CNTN5: variants seen among roughly 807,000 people sequenced by gnomAD.
CNTN5 encodes the protein contactin-5.
CNTN5 carries 77 observed loss-of-function variants against 129.1 expected under a neutral mutation model. That is an observed-to-expected ratio of 0.60 (90% CI 0.50 to 0.72). The LOEUF is 0.72. Ranked by LOEUF, CNTN5 falls within the 30% of genes least tolerant of loss-of-function variation. The probability of loss-of-function intolerance (pLI) is 0.00; values close to 1 mark genes in which losing one functional copy is unlikely to be tolerated. For synonymous variants in CNTN5, 509 were observed against 465.6 expected (o/e 1.09, Z -1.20); for missense variants, 1,478 against 1,328.8 (o/e 1.11, Z -1.75).
chr11:99,772,988 T>C (rs2135345291), intron 3 of CNTN5, among the ~76,000 whole-genome samples: 1 of 152,162 alleles, frequency 6.6e-6, no homozygotes, highest in Middle Eastern at 3.4e-3. Flanking sequence ...AGGTATAATA[T>C]ACACATAATG....
At chr11:99,533,076 A>G (rs1334382830) in intron 2 of CNTN5, among the ~76,000 whole-genome samples, 1 of 152,196 alleles carries the variant, frequency 6.6e-6, no homozygotes, top group South Asian at 2.1e-4. Flanking sequence ...TACAAAAATT[A>G]GCCATGTATA....
chr11:99,678,965 CTCTA>C lies in CNTN5; in HGVS notation c.55+122698_55+122701del, dbSNP rs1275106332. On this transcript the variant is annotated intron_variant, in intron 3 of 24. Transcript: ENST00000524871. Reference sequence around the variant, plus strand: ...TGTATCTGCTATTCACTCTCTCTCTCTCTATATATATATATAAAATTCCATAAAT... The same window carrying C: ...TGTATCTGCTATTCACTCTCTCTCTCTATATATATATAAAATTCCATAAAT... 3.7e-3 allele frequency among the ~76,000 whole-genome samples: 553 copies of C among 148,204 alleles called. 1 individual carries two copies. Among genetic ancestry groups the C allele is most frequent in the African/African-American group, 0.012 (506 of 40,716 alleles).
At chr11:100,275,902 G>A (rs2138799407) in intron 18 of CNTN5, among the ~76,000 whole-genome samples, 1 of 152,238 alleles carries the variant, frequency 6.6e-6, no homozygotes, top group South Asian at 2.1e-4. Context: ...TGTTTTGTCA[G>A]GCAGCACAGA....
Position 100,180,172 on chromosome 11 carries a change from C to A in CNTN5, c.1581-10954C>A, listed in dbSNP as rs192551753. On this transcript the variant is annotated intron_variant, in intron 13 of 24. Coordinates refer to ENST00000524871, the MANE Select transcript of CNTN5 (RefSeq NM_014361.4). ...AAAATTCTTAGCAAAACTATCTTGA[C>A]GAAGAACAAAGTGAAATGAATTATT... 4.3e-3 allele frequency among the ~76,000 whole-genome samples: 647 copies of A among 151,802 alleles called. 3 individuals carry two copies. The highest frequency in any genetic ancestry group is 0.015 in the African/African-American group (605 of 41,378).
intron 2 of CNTN5, among the ~76,000 whole-genome samples, chr11:99,550,733 A>T (rs1948454443): frequency 6.6e-6 from 1 of 152,200 alleles, no homozygotes; most frequent in Non-Finnish European, 1.5e-5. Flanking sequence ...TAATAAATGA[A>T]AATAACTCAG....
intron 1 of CNTN5, among the ~76,000 whole-genome samples, chr11:99,104,041 A>G (rs1866876464): frequency 6.6e-6 from 1 of 152,194 alleles, no homozygotes; most frequent in South Asian, 2.1e-4. Flanking sequence ...TGGCAGACCT[A>G]GGAAGCTGAT....
intron 1 of CNTN5, among the ~76,000 whole-genome samples, chr11:99,281,885 T>A (rs1863713892): frequency 6.6e-6 from 1 of 152,014 alleles, no homozygotes; most frequent in Non-Finnish European, 1.5e-5. Flanking sequence ...CTTGCACTGG[T>A]CATTTAAAGT....
intron 3 of CNTN5, among the ~76,000 whole-genome samples, chr11:99,798,963 T>C (rs917217632): frequency 5.9e-5 from 9 of 152,152 alleles, no homozygotes; most frequent in Admixed American, 6.5e-5. Context: ...GTAGTTCTCT[T>C]TGTAGAGATC....
chr11:99,499,802 C>T (rs1435381359), intron 2 of CNTN5, among the ~76,000 whole-genome samples: 2 of 152,072 alleles, frequency 1.3e-5, no homozygotes, highest in African/African-American at 4.8e-5. Context: ...ATTTTTCAGG[C>T]CATATTGTTT....
intron 3 of CNTN5, among the ~76,000 whole-genome samples, chr11:99,577,547 G>A (rs1310715434): frequency 6.6e-6 from 1 of 152,072 alleles, no homozygotes; most frequent in Non-Finnish European, 1.5e-5. Flanking sequence ...GTAGTTTGCT[G>A]TAGGATGTCA....
chr11:99,267,936 A>G (rs1411838367), intron 1 of CNTN5, among the ~76,000 whole-genome samples: 3 of 151,116 alleles, frequency 2.0e-5, no homozygotes, highest in Non-Finnish European at 3.0e-5. Flanking sequence ...ACACACACAC[A>G]CACACACACA....
At chr11:99,852,747 A>T (rs1449257734) in intron 6 of CNTN5, among the ~76,000 whole-genome samples, 1 of 152,134 alleles carries the variant, frequency 6.6e-6, no homozygotes, top group Non-Finnish European at 1.5e-5. Flanking sequence ...GCTTTTAGGA[A>T]TTCACAAAGT....
intron 13 of CNTN5, among the ~76,000 whole-genome samples, chr11:100,144,337 T>C (rs544939317): frequency 6.6e-6 from 1 of 152,136 alleles, no homozygotes; most frequent in African/African-American, 2.4e-5. Flanking sequence ...ATAAACATAG[T>C]ACCCCATAGG....
At chr11:99,038,587 T>C (rs1863856725) in intron 1 of CNTN5, among the ~76,000 whole-genome samples, 1 of 152,134 alleles carries the variant, frequency 6.6e-6, no homozygotes, top group African/African-American at 2.4e-5. Flanking sequence ...CCTTCATTGC[T>C]TGTTACAAAG....
intron 3 of CNTN5, among the ~76,000 whole-genome samples, chr11:99,713,054 A>G (rs1955064606): frequency 6.6e-6 from 1 of 152,102 alleles, no homozygotes; most frequent in South Asian, 2.1e-4. Flanking sequence ...GATAGCATTG[A>G]ATCTATAAAT....
intron 1 of CNTN5, among the ~76,000 whole-genome samples, chr11:99,184,287 C>T (rs537078091): frequency 3.3e-5 from 5 of 152,194 alleles, no homozygotes; most frequent in South Asian, 2.1e-4. Flanking sequence ...TACTATGTCT[C>T]TACTTAACTA....
At chr11:99,704,810 C>T (rs1413689087) in intron 3 of CNTN5, among the ~76,000 whole-genome samples, 11 of 151,030 alleles carry the variant, frequency 7.3e-5, no homozygotes, top group Admixed American at 4.6e-4. Flanking sequence ...ATAAAAAATG[C>T]GAAAGTTATC....
chr11:99,791,141 G>C (rs1237231897), intron 3 of CNTN5, among the ~76,000 whole-genome samples: 6 of 151,304 alleles, frequency 4.0e-5, no homozygotes, highest in African/African-American at 7.3e-5. Flanking sequence ...AGAAGCTTAA[G>C]TTTAAGTAGA....
intron 3 of CNTN5, among the ~76,000 whole-genome samples, chr11:99,570,677 C>T (rs1275710714): frequency 6.6e-6 from 1 of 152,124 alleles, no homozygotes; most frequent in African/African-American, 2.4e-5. Context: ...CCCTGTCTTT[C>T]TGGAACTCAC....
Sources: allele counts gnomAD v4.1 joint callset (sites outside exome capture counted in the v4.1 genomes callset), GRCh38; gene constraint gnomAD v4.1.1; transcripts MANE v1.5; gene names NCBI Gene and HGNC (gene_info 2026-07-23, HGNC 2026-07-21).